The following MAD1L1 variants were observed in gnomAD, a reference collection of about 807,000 sequenced individuals.
MAD1L1 encodes mitotic arrest deficient 1 like 1, also known as mitotic spindle assembly checkpoint protein MAD1.
MAD1L1 carries 95 observed loss-of-function variants against 96.9 expected under a neutral mutation model. That is an observed-to-expected ratio of 0.98 (90% confidence interval 0.83 to 1.16). The LOEUF (loss-of-function observed/expected upper bound fraction) is 1.16. Among genes scored for constraint, MAD1L1 ranks in the 50% most tolerant of loss-of-function variants. MAD1L1 has a pLI of 0.00. For missense variants in MAD1L1, 1,007 were observed against 954.4 expected (o/e 1.06, Z -0.73); for synonymous variants, 473 against 396.6 (o/e 1.19, Z -2.29).
At position 1,914,255 on chromosome 7, in the gene MAD1L1, C is replaced by T. The variant is rs533007653; in HGVS notation, c.1808-15865G>A. Among the ~76,000 whole-genome samples the T allele has an allele frequency of 6.6e-5, 10 of 152,194 alleles. No individual in the cohort carries two copies. In the South Asian group the frequency reaches 1.0e-3, roughly 16 times the overall value. ...AGGAGACCAGACAGGCATCAGCAAG[C>T]GGTGGCTATGCCTGGGCCCAGGACC... On this transcript the variant is annotated intron_variant, in intron 17 of 18. Transcript: ENST00000265854.
At chr7:2,208,049 C>T (rs1040636628) in intron 10 of MAD1L1, among the ~76,000 whole-genome samples, 27 of 152,154 alleles carry the variant, frequency 1.8e-4, no homozygotes, top group African/African-American at 6.3e-4. Flanking sequence ...GAAAAGAGTT[C>T]ATTTTTCCTC....
intron 18 of MAD1L1, among the ~76,000 whole-genome samples, chr7:1,885,755 A>T (rs1203345550): frequency 6.6e-6 from 1 of 152,138 alleles, no homozygotes; most frequent in Non-Finnish European, 1.5e-5. Context: ...AGGGCTCGGC[A>T]GCCCGGCGCC....
intron 10 of MAD1L1, among the ~76,000 whole-genome samples, chr7:2,198,885 G>C (rs1792132409): frequency 6.6e-6 from 1 of 152,242 alleles, no homozygotes; most frequent in South Asian, 2.1e-4. Flanking sequence ...CTACAGAATA[G>C]GGTTCCAAAG....
rs111378593 is a variant in MAD1L1, at chr7:2,189,175, C to T, written c.986+24037G>A. Among the ~76,000 whole-genome samples the T allele has an allele frequency of 3.3e-4, 50 of 152,220 alleles. 1 individual carries two copies. Among genetic ancestry groups the T allele is most frequent in the African/African-American group, 1.2e-3 (49 of 41,554 alleles). On this transcript the variant is annotated intron_variant, in intron 10 of 18. Transcript: ENST00000265854. ...GCTACCACCAAAAAAAAAATCACAT[C>T]ACATGGTGATGATGTGGAGAAACTG...
intron 12 of MAD1L1, among the ~76,000 whole-genome samples, chr7:2,018,601 A>T (rs1229907408): frequency 1.3e-5 from 2 of 152,182 alleles, no homozygotes; most frequent in African/African-American, 2.4e-5. Flanking sequence ...GGCAGCCTGA[A>T]GGGGCTGTGT....
In MAD1L1 at chr7:1,815,934, A is replaced by G; in HGVS notation, c.*136T>C. 9.4e-7 allele frequency: 1 copy of G among 1,063,982 alleles called. No individual in the cohort carries two copies. Among genetic ancestry groups the G allele is most frequent in the Non-Finnish European group, 1.3e-6 (1 of 758,376 alleles). 65.9% of individuals were successfully genotyped at this position (1,063,982 alleles called of 1,614,324 possible). Reference sequence around the variant, plus strand: ...CAGCAGGAAGCCCGACGTAGGTCCCAGCGTGTCTGTCAGTCATGCTGCTGC... The same window carrying G: ...CAGCAGGAAGCCCGACGTAGGTCCCGGCGTGTCTGTCAGTCATGCTGCTGC... On this transcript the variant is annotated 3_prime_UTR_variant, in exon 19 of 19. Coordinates refer to ENST00000265854, the MANE Select transcript of MAD1L1 (RefSeq NM_001013836.2).
chr7:1,926,023 A>G (rs1789068054), intron 17 of MAD1L1, among the ~76,000 whole-genome samples: 1 of 152,190 alleles, frequency 6.6e-6, no homozygotes, highest in African/African-American at 2.4e-5. Flanking sequence ...ACAGACAAAA[A>G]AAGAAAAAAG....
In MAD1L1 at chr7:2,029,371, CGT is replaced by C; in HGVS notation, c.1219-14731_1219-14730del. ...AACATTTTTAAATGGGCAGAACTGG[CGT>C]GTGAGAATCGGGAAGGCAGGGCTTT... On this transcript the variant is annotated intron_variant, in intron 12 of 18. Transcript: ENST00000265854. 2.6e-5 allele frequency among the ~76,000 whole-genome samples: 4 copies of C among 152,188 alleles called. No homozygotes were observed. The South Asian group carries it at 6.2e-4, about 24-fold the overall frequency.
At chr7:1,981,545 C>A (rs1008295312) in intron 14 of MAD1L1, among the ~76,000 whole-genome samples, 1 of 152,142 alleles carries the variant, frequency 6.6e-6, no homozygotes, top group African/African-American at 2.4e-5. Flanking sequence ...TAAATCCTGC[C>A]CCTGGCCCAA....
chr7:1,853,418 T>A (rs1784082261), intron 18 of MAD1L1, among the ~76,000 whole-genome samples: 1 of 152,116 alleles, frequency 6.6e-6, no homozygotes, highest in South Asian at 2.1e-4. Flanking sequence ...CAGCCCTGCC[T>A]TCATTCAACA....
intron 11 of MAD1L1, among the ~76,000 whole-genome samples, chr7:2,128,389 G>A (rs1292958993): frequency 2.0e-5 from 3 of 152,128 alleles, no homozygotes; most frequent in East Asian, 3.9e-4. Flanking sequence ...CCAGACCACC[G>A]TGAAAGACCT....
At chr7:1,969,444 A>G (rs980935369) in intron 15 of MAD1L1, among the ~76,000 whole-genome samples, 1 of 152,234 alleles carries the variant, frequency 6.6e-6, no homozygotes, top group African/African-American at 2.4e-5. Flanking sequence ...CAATGGTGAA[A>G]GGCTAAAAGC....
intron 18 of MAD1L1, among the ~76,000 whole-genome samples, chr7:1,869,230 G>A (rs1784926796): frequency 1.3e-5 from 2 of 152,134 alleles, no homozygotes; most frequent in South Asian, 4.1e-4. Context: ...CCGGGGGAAC[G>A]CCAGGGAAGG....
intron 13 of MAD1L1, among the ~76,000 whole-genome samples, chr7:2,010,070 G>GTTTTT (rs56012894): frequency 2.2e-5 from 2 of 89,792 alleles, no homozygotes; most frequent in Non-Finnish European, 4.3e-5. Flanking sequence ...TTTTTAACAG[G>GTTTTT]TTTTTTTTTT....
intron 16 of MAD1L1, among the ~76,000 whole-genome samples, chr7:1,940,919 GTGAGAC>G (rs1778925773): frequency 2.6e-5 from 1 of 38,002 alleles, no homozygotes; most frequent in Non-Finnish European, 6.3e-5. Flanking sequence ...ACCCAGAGCA[GTGAGAC>G]CCTCCTCCCC....
intron 18 of MAD1L1, among the ~76,000 whole-genome samples, chr7:1,832,285 T>C (rs751395948): frequency 1.8e-4 from 28 of 152,050 alleles, no homozygotes; most frequent in Non-Finnish European, 3.4e-4. Context: ...GCAAGAGAAT[T>C]AGAATTAGAA....
chr7:1,943,834 C>G (rs1350069520), intron 16 of MAD1L1, among the ~76,000 whole-genome samples: 3 of 152,076 alleles, frequency 2.0e-5, no homozygotes, highest in African/African-American at 7.2e-5. Flanking sequence ...ATCCAGATGT[C>G]CATCAGGCGA....
At chr7:2,008,629 C>T (rs1278878523) in intron 13 of MAD1L1, among the ~76,000 whole-genome samples, 1 of 152,234 alleles carries the variant, frequency 6.6e-6, no homozygotes, top group East Asian at 1.9e-4. Flanking sequence ...CAAGCCTGCT[C>T]GCAGGCAGGC....
At chr7:1,975,460 G>T (rs923346618) in intron 15 of MAD1L1, among the ~76,000 whole-genome samples, 2 of 152,168 alleles carry the variant, frequency 1.3e-5, no homozygotes, top group African/African-American at 4.8e-5. Flanking sequence ...TTCCCAGGCT[G>T]AACTCTCCCT....
Sources: allele counts gnomAD v4.1 joint callset (sites outside exome capture counted in the v4.1 genomes callset), GRCh38; gene constraint gnomAD v4.1.1; transcripts MANE v1.5; gene names NCBI Gene and HGNC (gene_info 2026-07-23, HGNC 2026-07-21).